Variants in TENM2 observed in about 807,000 individuals in gnomAD.
TENM2 encodes the protein teneurin transmembrane protein 2, also known as teneurin-2.
In TENM2, 52 loss-of-function variants were observed where a neutral mutation model predicts 245.2. That is an observed-to-expected ratio of 0.21 (90% CI 0.17 to 0.27). The LOEUF is 0.27. Ranked by LOEUF, TENM2 falls within the 10% of genes least tolerant of loss-of-function variation. TENM2 has a pLI of 1.00. For synonymous variants in TENM2, 1,363 were observed against 1,438.9 expected (o/e 0.95, Z 1.19); for missense variants, 3,046 against 3,666.8 (o/e 0.83, Z 4.37).
the TENM2 span, among the ~76,000 whole-genome samples, chr5:167,013,925 T>A: frequency 2.0e-5 from 3 of 152,212 alleles, no homozygotes; most frequent in African/African-American, 4.8e-5. Flanking sequence ...GAGGAGCTTC[T>A]TTTGAAACCA....
At chr5:168,010,020 C>G (rs758372662) in intron 5 of TENM2, among the ~76,000 whole-genome samples, 9 of 152,194 alleles carry the variant, frequency 5.9e-5, no homozygotes, top group Admixed American at 1.3e-4. Flanking sequence ...ATGAATCCAC[C>G]CCTGAAGCCT....
chr5:167,753,740 C>T (rs1762108685), intron 2 of TENM2, among the ~76,000 whole-genome samples: 1 of 152,132 alleles, frequency 6.6e-6, no homozygotes, highest in Non-Finnish European at 1.5e-5. Flanking sequence ...TGACATGTTG[C>T]CTTCAGGTGG....
chr5:168,028,968 C>A (rs74411222), intron 5 of TENM2, among the ~76,000 whole-genome samples: 23 of 152,294 alleles, frequency 1.5e-4, no homozygotes, highest in African/African-American at 4.8e-4. Context: ...TAGGGATAAA[C>A]CCTCTCTTAA....
In TENM2 at chr5:167,647,705, C is replaced by T. The variant is rs552157897; in HGVS notation, c.503-228281C>T. Among the ~76,000 whole-genome samples, 5 of 152,218 alleles carry T rather than the reference C, an allele frequency of 3.3e-5. No homozygotes were observed. In the East Asian group the frequency reaches 7.7e-4, roughly 24 times the overall value. ...ACTGAATTATTTCACAAGGGGCAAA[C>T]ATTCTCAAGGAACAGGGAAATTAAT... On this transcript the variant is annotated intron_variant, in intron 2 of 28. Transcript: ENST00000518659.
At chr5:167,338,495 T>A (rs1292037440) in intron 1 of TENM2, among the ~76,000 whole-genome samples, 1 of 152,204 alleles carries the variant, frequency 6.6e-6, no homozygotes, top group Non-Finnish European at 1.5e-5. Context: ...GTGGGGAGAA[T>A]CATGATCTTT....
chr5:168,005,820 A>G (rs1478193926), intron 5 of TENM2, among the ~76,000 whole-genome samples: 1 of 152,190 alleles, frequency 6.6e-6, no homozygotes, highest in Non-Finnish European at 1.5e-5. Context: ...GCAGACCCTA[A>G]TGACAGAGAG....
At chr5:167,130,667 A>G in the TENM2 span, among the ~76,000 whole-genome samples, 1 of 152,116 alleles carries the variant, frequency 6.6e-6, no homozygotes, top group African/African-American at 2.4e-5. Flanking sequence ...TAACACATGG[A>G]TCCCCTCCAC....
At chr5:168,208,935 A>C (rs1161287379) in intron 19 of TENM2, among the ~76,000 whole-genome samples, 2 of 152,232 alleles carry the variant, frequency 1.3e-5, no homozygotes, top group African/African-American at 4.8e-5. Context: ...CACAAACATC[A>C]CAAAATCCAC....
the TENM2 span, among the ~76,000 whole-genome samples, chr5:167,104,104 AT>A: frequency 6.6e-6 from 1 of 151,896 alleles, no homozygotes; most frequent in Non-Finnish European, 1.5e-5. Context: ...TCTTGCCTGG[AT>A]CACCCTGTAT....
At chr5:167,452,930 T>TA (rs1174285362) in intron 2 of TENM2, among the ~76,000 whole-genome samples, 12 of 12,504 alleles carry the variant, frequency 9.6e-4, no homozygotes, top group East Asian at 6.8e-3. Flanking sequence ...TAAAGTATGA[T>TA]TTATATATAT....
At chr5:167,196,508 A>G in the TENM2 span, among the ~76,000 whole-genome samples, 2 of 139,338 alleles carry the variant, frequency 1.4e-5, no homozygotes, top group Admixed American at 1.4e-4. Flanking sequence ...GTGTATATAT[A>G]TGTGTGTGTA....
At chr5:167,350,678 G>GATATATATATGGGATACATATATGGAT (rs1561883504) in intron 1 of TENM2, among the ~76,000 whole-genome samples, 12 of 35,446 alleles carry the variant, frequency 3.4e-4, no homozygotes, top group African/African-American at 6.1e-4. Context: ...TACATATATG[G>GATATATATATGGGATACATATATGGAT]ATATATATAT....
At chr5:167,815,972 TTGTGTGTGTGTGTGTG>T (rs34151147) in intron 2 of TENM2, among the ~76,000 whole-genome samples, 366 of 144,128 alleles carry the variant, frequency 2.5e-3, no homozygotes, top group African/African-American at 8.7e-3. Context: ...TTATGATCCT[TTGTGTGTGTGTGTGTG>T]TGTGTGTGTG....
At chr5:167,024,729 G>A in the TENM2 span, among the ~76,000 whole-genome samples, 1 of 152,156 alleles carries the variant, frequency 6.6e-6, no homozygotes, top group Non-Finnish European at 1.5e-5. Context: ...AGCAAGCCAG[G>A]GCTAGAATGG....
At chr5:167,515,650 C>CAAATATATACGTATATATGTATATATAT (rs1392688070) in intron 2 of TENM2, among the ~76,000 whole-genome samples, 1 of 128,056 alleles carries the variant, frequency 7.8e-6, no homozygotes, top group Admixed American at 7.8e-5. Context: ...TATATATATA[C>CAAATATATACGTATATATGTATATATAT]ACATATATAC....
At chr5:167,515,029 A>G (rs1362226422) in intron 2 of TENM2, among the ~76,000 whole-genome samples, 1 of 152,096 alleles carries the variant, frequency 6.6e-6, no homozygotes, top group Non-Finnish European at 1.5e-5. Flanking sequence ...ACAAACAAAC[A>G]AAAAAAGAAA....
chr5:167,791,289 G>A (rs1269387578), intron 2 of TENM2, among the ~76,000 whole-genome samples: 1 of 151,430 alleles, frequency 6.6e-6, no homozygotes, highest in African/African-American at 2.4e-5. Flanking sequence ...ATGCAGGTGT[G>A]TATTTTTATA....
Position 168,092,680 on chromosome 5 carries a change from G to T in TENM2, c.1711+1911G>T, listed in dbSNP as rs904771797. ...AAGGAAAAAACTAGAAACAAATTTG[G>T]AACCAGCTTGAGATGTTGAGATTTT... On this transcript the variant is annotated intron_variant, in intron 8 of 28. Transcript: ENST00000518659. 5.3e-5 allele frequency among the ~76,000 whole-genome samples: 8 copies of T among 152,276 alleles called. No individual in the cohort carries two copies. The East Asian group carries it at 1.5e-3, about 29-fold the overall frequency.
At chr5:167,551,668 ATTAT>A (rs1199046536) in intron 2 of TENM2, among the ~76,000 whole-genome samples, 1 of 152,150 alleles carries the variant, frequency 6.6e-6, no homozygotes, top group Non-Finnish European at 1.5e-5. Context: ...TAAGTTTTGA[ATTAT>A]TTAATCTATC....
Sources: gnomAD v4.1 joint callset for allele counts (sites outside exome capture counted in the v4.1 genomes callset) on GRCh38, gnomAD v4.1.1 for gene constraint, MANE v1.5 for transcripts, NCBI Gene and HGNC (gene_info 2026-07-23, HGNC 2026-07-21) for gene names.